Variants in KIF1C observed in about 807,000 individuals in gnomAD.
The protein encoded by KIF1C is kinesin-like protein KIF1C.
In KIF1C, 61 loss-of-function variants were observed where a neutral mutation model predicts 126.5. That is an observed-to-expected ratio of 0.48 (90% CI 0.39 to 0.60). The LOEUF is 0.60. Ranked by LOEUF, KIF1C falls within the 20% of genes least tolerant of loss-of-function variation. The pLI is 0.00. For synonymous variants in KIF1C, 640 were observed against 580.6 expected (o/e 1.10, Z -1.47); for missense variants, 1,315 against 1,489.2 (o/e 0.88, Z 1.93).
chr17:5,002,841 A>G lies in KIF1C; in HGVS notation c.719A>G (p.Lys240Arg). ...CAGCTCACGGGGCTGGACTCGGAGA[A>G]GGTGGGATCGCCCCCCCCCCCACTC... is the stretch of plus-strand genomic sequence containing the variant. ...HDQLTGLDSEKVSKISLVDLA... is the reference protein window; with the variant it reads ...HDQLTGLDSERVSKISLVDLA... Residue 240 changes from lysine to arginine, a missense_variant and splice_region_variant, in exon 8 of 23, where the codon AAG (lysine) becomes AGG (arginine). By Grantham distance (26) the Lys-to-Arg change is conservative. Transcript: ENST00000320785. 2.5e-6 allele frequency: 4 copies of G among 1,585,196 alleles called. No homozygotes were observed. Among genetic ancestry groups the G allele is most frequent in the Non-Finnish European group, 3.4e-6 (4 of 1,164,682 alleles).
rs950560162 is a variant in KIF1C, at chr17:5,025,458, C to G, written c.*1307C>G. On this transcript the variant is annotated 3_prime_UTR_variant, in exon 23 of 23. Transcript: ENST00000320785. Reference sequence around the variant, plus strand: ...CTGCGCTTACCTGATTGTTTTCATCCTGGTTGTGTTACCTGCCTTCTGGCA... The same window carrying G: ...CTGCGCTTACCTGATTGTTTTCATCGTGGTTGTGTTACCTGCCTTCTGGCA... 6.6e-6 allele frequency: 1 copy of G among 152,200 alleles called. No homozygotes were observed. The highest frequency in any genetic ancestry group is 1.5e-5 in the Non-Finnish European group (1 of 68,042). The allele number at this position is 152,200 out of a possible 1,614,324, so 9.4% of individuals were successfully genotyped here. A position where few individuals can be genotyped will look rare whatever the true frequency, so the allele number is the denominator to read the frequency against.
Position 5,023,557 on chromosome 17 carries a change from C to A in KIF1C, c.2718C>A (p.Asp906Glu). 1 of 1,613,760 alleles carries A rather than the reference C, an allele frequency of 6.2e-7. No individual in the cohort carries two copies. Among genetic ancestry groups the A allele is most frequent in the South Asian group, 1.1e-5 (1 of 91,084 alleles). The change falls in exon 23 of 23, where the codon GAC becomes GAA. Residue 906 changes from aspartate (D) to glutamate (E), a missense_variant. Physicochemically the swap from Asp to Glu is conservative, Grantham distance 45. Around this residue, in one of 2 missense-constraint regions of KIF1C, gnomAD observed 441 missense variants for 436.1 expected, o/e 1.01. Transcript: ENST00000320785. This position sits in a 1 kb window ranked among gnomAD's most constrained non-coding sequence, Gnocchi z 4.2. Reference sequence around the variant, plus strand: ...CAGCAGAGGAGGCAGCCCCCAGTGACCGCATGCCGTCAGCCCGGCCCCCCT... The same window carrying A: ...CAGCAGAGGAGGCAGCCCCCAGTGAACGCATGCCGTCAGCCCGGCCCCCCT... ...SEAAEEAAPS[D>E]RMPSARPPSP...
intron 6 of KIF1C, 142 bp downstream of exon 6, chr17:5,002,266 C>T (rs952513220): frequency 2.2e-5 from 21 of 969,120 alleles, no homozygotes; most frequent in Non-Finnish European, 2.8e-5. Context: ...CCTTCAGCTT[C>T]GTATGTTCAT....
chr17:5,024,121 T>G lies in KIF1C; in HGVS notation c.3282T>G (p.Pro1094=), dbSNP rs777866931. 3 of 1,609,874 alleles carry G rather than the reference T, an allele frequency of 1.9e-6. No homozygotes were observed. Among genetic ancestry groups the G allele is most frequent in the Admixed American group, 3.4e-5 (2 of 59,566 alleles). The change falls in exon 23 of 23, where the codon CCT becomes CCG. Residue 1094 remains proline (P), a synonymous_variant. Coordinates refer to ENST00000320785, the MANE Select transcript of KIF1C (RefSeq NM_006612.6). ...GAATGAGACGGCAGCGTTCTGCCCC[T>G]GACCTCAAGGAGAGTGGGGCAGCTG... is the stretch of plus-strand genomic sequence containing the variant. The part of the protein sequence containing the change: ...PPRMRRQRSA[P]DLKESGAAV
In KIF1C at chr17:5,025,377, G is replaced by C. The variant is rs981286533; in HGVS notation, c.*1226G>C. On this transcript the variant is annotated 3_prime_UTR_variant, in exon 23 of 23. Transcript: ENST00000320785. ...CTGCTTTAAGTCACCTAACTTACTTGAAAGGTCTCCCAAGCAGCCAGTTTC... is the reference window on the plus strand; with the variant it reads ...CTGCTTTAAGTCACCTAACTTACTTCAAAGGTCTCCCAAGCAGCCAGTTTC... 1.3e-5 allele frequency: 2 copies of C among 152,248 alleles called. No homozygotes were observed. Among genetic ancestry groups the C allele is most frequent in the Non-Finnish European group, 2.9e-5 (2 of 68,070 alleles). 9.4% of individuals were successfully genotyped at this position (152,248 alleles called of 1,614,324 possible). A position where few individuals can be genotyped will look rare whatever the true frequency, so the allele number is the denominator to read the frequency against.
intron 16 of KIF1C, among the ~76,000 whole-genome samples, chr17:5,009,173 T>C (rs1353498426): frequency 2.6e-5 from 4 of 151,380 alleles, no homozygotes; most frequent in Non-Finnish European, 5.9e-5. Context: ...AGAGGCAGCC[T>C]TCATTATGAG....
At chr17:5,001,709 C>T (rs1304610813) in intron 5 of KIF1C, among the ~76,000 whole-genome samples, 4 of 152,236 alleles carry the variant, frequency 2.6e-5, no homozygotes. Flanking sequence ...TATAGTTCTC[C>T]TGCAGGCTTG....
chr17:5,014,085 C>T (rs920556654), intron 17 of KIF1C: 19 of 255,814 alleles, frequency 7.4e-5, no homozygotes, highest in African/African-American at 3.1e-4. Flanking sequence ...CTGGTCTGTG[C>T]GGTTGAGGGC....
intron 6 of KIF1C, 110 bp downstream of exon 6, chr17:5,002,234 G>T (rs1284659379): frequency 1.8e-6 from 2 of 1,119,446 alleles, no homozygotes; most frequent in Non-Finnish European, 2.7e-6. Context: ...TACTGACTGT[G>T]ACTTTGGGGC....
Position 5,024,139 on chromosome 17 carries a change from G to A in KIF1C, c.3300G>A (p.Gly1100=). 6.2e-7 allele frequency: 1 copy of A among 1,609,690 alleles called. No individual in the cohort carries two copies. Among genetic ancestry groups the A allele is most frequent in the Non-Finnish European group, 8.5e-7 (1 of 1,177,910 alleles). Residue 1100 remains glycine, a synonymous_variant, in exon 23 of 23, where the codon GGG becomes GGA. Coordinates refer to ENST00000320785, the MANE Select transcript of KIF1C (RefSeq NM_006612.6). The part of the protein sequence containing the change: ...QRSAPDLKES[G]AAV ...CTGCCCCTGACCTCAAGGAGAGTGG[G>A]GCAGCTGTGTGAGTCCCACATCCTG...
At chr17:5,004,766 C>T (rs1023318414) in intron 12 of KIF1C, 89 bp from the exon 13 acceptor site, 1 of 1,602,222 alleles carries the variant, frequency 6.2e-7, no homozygotes, top group Admixed American at 1.7e-5. Context: ...GCCACAATAT[C>T]TTGAGACCTG....
chr17:5,021,859 C>T (rs1198438306), intron 21 of KIF1C, among the ~76,000 whole-genome samples: 5 of 152,162 alleles, frequency 3.3e-5, no homozygotes, highest in Non-Finnish European at 5.9e-5. Context: ...CGGTGCCGGC[C>T]ATGGTTCTAA....
In KIF1C at chr17:5,024,069, G is replaced by A. The variant is rs759515240; in HGVS notation, c.3230G>A (p.Arg1077His). The A allele has an allele frequency of 1.5e-5, 23 of 1,567,510 alleles. No individual in the cohort carries two copies. Among genetic ancestry groups the A allele is most frequent in the Non-Finnish European group, 1.9e-5 (22 of 1,153,312 alleles). Residue 1077 changes from arginine (R) to histidine (H), a missense_variant, in exon 23 of 23, where the codon CGC (arginine) becomes CAC (histidine). This residue lies in a region of KIF1C where 441 missense variants were observed against 436.1 expected (regional missense o/e 1.01). Coordinates refer to ENST00000320785, the MANE Select transcript of KIF1C (RefSeq NM_006612.6). ...CCAGCCCAGCGGCCCCCAGGGCCCCGCTACCCCCCATACACTACTCCCCCA... is the reference window on the plus strand; with the variant it reads ...CCAGCCCAGCGGCCCCCAGGGCCCCACTACCCCCCATACACTACTCCCCCA... The part of the protein sequence containing the change: ...PYPAQRPPGP[R>H]YPPYTTPPRM...
At chr17:5,002,384 G>C in intron 6 of KIF1C, 80 bp from the exon 7 acceptor site, 2 of 1,330,680 alleles carry the variant, frequency 1.5e-6, no homozygotes, top group Non-Finnish European at 2.1e-6. Context: ...CACCTGGATC[G>C]TGTCCAGTGG....
chr17:5,015,928 G>C (rs1974962012), intron 18 of KIF1C, among the ~76,000 whole-genome samples: 1 of 151,738 alleles, frequency 6.6e-6, no homozygotes, highest in South Asian at 2.1e-4. Flanking sequence ...GTTTGTTTTA[G>C]TTCTAACACT....
intron 1 of KIF1C, among the ~76,000 whole-genome samples, chr17:4,998,735 G>A (rs756702469): frequency 1.4e-4 from 22 of 151,752 alleles, no homozygotes; most frequent in Non-Finnish European, 2.7e-4. Context: ...CCCATGCTCT[G>A]CCCAGGAAGA....
intron 16 of KIF1C, among the ~76,000 whole-genome samples, chr17:5,008,219 G>T (rs1370617291): frequency 6.6e-6 from 1 of 152,158 alleles, no homozygotes; most frequent in Non-Finnish European, 1.5e-5. Flanking sequence ...GGGCGGGAGA[G>T]GTCAGGCTCA....
rs1352322139 is a variant in KIF1C, at chr17:5,024,360, A to G, written c.*209A>G. 4.1e-5 allele frequency: 19 copies of G among 459,118 alleles called. No homozygotes were observed. Among genetic ancestry groups the G allele is most frequent in the Non-Finnish European group, 7.7e-6 (2 of 260,150 alleles). 28.4% of individuals were successfully genotyped at this position (459,118 alleles called of 1,614,324 possible). ...GAGTTGCCAGGAGCAAACCAAAGTGAAGAGAGAGATAGGAAGCTGCCTCGG... is the reference window on the plus strand; with the variant it reads ...GAGTTGCCAGGAGCAAACCAAAGTGGAGAGAGAGATAGGAAGCTGCCTCGG... On this transcript the variant is annotated 3_prime_UTR_variant, in exon 23 of 23. Transcript: ENST00000320785.
In KIF1C at chr17:5,004,623, G is replaced by T; in HGVS notation, c.997G>T (p.Glu333Ter). 1 of 1,614,172 alleles carries T rather than the reference G, an allele frequency of 6.2e-7. No individual in the cohort carries two copies. Among genetic ancestry groups the T allele is most frequent in the East Asian group, 2.2e-5 (1 of 44,890 alleles). The change falls in exon 12 of 23, where the codon GAG (glutamate) becomes TAG (stop). Residue 333 changes from glutamate (E) to a stop codon, truncating the protein, a stop_gained. Coordinates refer to ENST00000320785, the MANE Select transcript of KIF1C (RefSeq NM_006612.6). LOFTEE classifies it high-confidence loss of function. ...CCTGAGCCCTGCTGACATCAATTAC[G>T]AGGAGACTCTCAGCACCCTCAGGTG... ...AALSPADINYEETLSTLRYAD... is the reference protein window; with the variant it reads ...AALSPADINY
Sources: allele counts gnomAD v4.1 joint callset (sites outside exome capture counted in the v4.1 genomes callset), GRCh38; gene constraint gnomAD v4.1.1; regional missense constraint gnomAD v4.1.1; non-coding constraint Gnocchi (gnomAD v3.1); transcripts MANE v1.5; gene names NCBI Gene and HGNC (gene_info 2026-07-23, HGNC 2026-07-21).